PTPN20: variants seen among roughly 807,000 people sequenced by gnomAD.
PTPN20 encodes the protein tyrosine-protein phosphatase non-receptor type 20.
PTPN20 carries 9 observed loss-of-function variants against 35.0 expected under a neutral mutation model. The observed-to-expected ratio is 0.26, with a 90% confidence interval of 0.15 to 0.45. The LOEUF is 0.45. PTPN20 is among the 20% of genes least tolerant of loss of function. The pLI is 1.00. For missense variants in PTPN20, 111 were observed against 312.5 expected (o/e 0.36, Z 4.86); for synonymous variants, 32 against 100.2 (o/e 0.32, Z 4.06).
At chr10:46,959,032 T>G (rs2049126051) in intron 5 of PTPN20, among the ~76,000 whole-genome samples, 1 of 145,552 alleles carries the variant, frequency 6.9e-6, no homozygotes, top group Non-Finnish European at 1.5e-5. Flanking sequence ...AGATATACTT[T>G]GTTTATTATA....
chr10:46,923,306 C>T (rs1465274193), intron 1 of PTPN20, among the ~76,000 whole-genome samples: 2 of 145,130 alleles, frequency 1.4e-5, no homozygotes, highest in Admixed American at 6.7e-5. Flanking sequence ...TTTTAAGCCA[C>T]CCAGTTTGTG....
intron 9 of PTPN20, among the ~76,000 whole-genome samples, chr10:46,994,542 G>A (rs1413939152): frequency 1.3e-5 from 2 of 151,828 alleles, no homozygotes; most frequent in Non-Finnish European, 2.9e-5. Context: ...CACCGTGTTA[G>A]CCAGGATGGT....
intron 7 of PTPN20, among the ~76,000 whole-genome samples, chr10:46,982,912 T>C (rs1158079589): frequency 1.3e-5 from 2 of 152,152 alleles, no homozygotes; most frequent in Non-Finnish European, 2.9e-5. Context: ...GTATAAAGTA[T>C]TGTTTTAAAT....
At chr10:46,940,894 A>G (rs1394120432) in intron 3 of PTPN20, among the ~76,000 whole-genome samples, 177 bp downstream of exon 3, 11 of 151,818 alleles carry the variant, frequency 7.2e-5, no homozygotes, top group African/African-American at 2.7e-4. Context: ...TTTTTTGCAA[A>G]GTTTCTAATG....
chr10:46,957,517 C>T (rs2048750826), intron 5 of PTPN20, among the ~76,000 whole-genome samples: 1 of 152,060 alleles, frequency 6.6e-6, no homozygotes, highest in South Asian at 2.1e-4. Flanking sequence ...AGGCAGATCA[C>T]CTGAGGTTGG....
Position 47,000,787 on chromosome 10 carries a change from C to T in PTPN20, c.*46C>T. 1 of 1,604,596 alleles carries T rather than the reference C, an allele frequency of 6.2e-7. No homozygotes were observed. Among genetic ancestry groups the T allele is most frequent in the East Asian group, 2.2e-5 (1 of 44,810 alleles). On this transcript the variant is annotated 3_prime_UTR_variant, in exon 11 of 11. Transcript: ENST00000374339. ...CACTTGAAATTACCAAGTGGGTTTG[C>T]ACCTCCTCATAAAGAACATGTTTGC...
chr10:46,943,063 AGGTCT>A (rs2043868983), intron 3 of PTPN20, among the ~76,000 whole-genome samples: 1 of 151,136 alleles, frequency 6.6e-6, no homozygotes, highest in African/African-American at 2.4e-5. Flanking sequence ...ATCAAATAAA[AGGTCT>A]GCTCTATGAC....
At chr10:46,953,395 CTTTT>C (rs200486720) in intron 5 of PTPN20, among the ~76,000 whole-genome samples, 11 of 100,138 alleles carry the variant, frequency 1.1e-4, no homozygotes, top group African/African-American at 2.3e-4. Context: ...TTCTTTCTTT[CTTTT>C]TTTTTGACTT....
intron 2 of PTPN20, among the ~76,000 whole-genome samples, chr10:46,938,950 G>T (rs1433051905): frequency 6.6e-6 from 1 of 151,360 alleles, no homozygotes; most frequent in Non-Finnish European, 1.5e-5. Flanking sequence ...TTTTTTGTTT[G>T]TCAGGTGAGG....
At chr10:46,988,473 C>CAG (rs1280438780) in intron 9 of PTPN20, among the ~76,000 whole-genome samples, 1 of 148,606 alleles carries the variant, frequency 6.7e-6, no homozygotes, top group Non-Finnish European at 1.5e-5. Context: ...TGCAGAACAC[C>CAG]AGAGCTCATT....
chr10:46,920,735 G>A (rs1437549442), intron 1 of PTPN20, among the ~76,000 whole-genome samples: 3 of 128,782 alleles, frequency 2.3e-5, no homozygotes, highest in South Asian at 2.9e-4. Context: ...TTGGTTCTCC[G>A]GCCAATGGGG....
chr10:46,982,831 A>C (rs1358152229), intron 7 of PTPN20, among the ~76,000 whole-genome samples: 44 of 152,248 alleles, frequency 2.9e-4, no homozygotes, highest in Non-Finnish European at 5.6e-4. Context: ...ATATGATGAA[A>C]GATCTCCCTA....
chr10:46,932,280 G>C, intron 1 of PTPN20, 97 bp from the exon 2 acceptor site: 1 of 1,453,596 alleles, frequency 6.9e-7, no homozygotes, highest in Non-Finnish European at 9.1e-7. Flanking sequence ...TAAAATTGCA[G>C]TTTTAAATAT....
intron 10 of PTPN20, 101 bp downstream of exon 10, chr10:47,000,075 A>C: frequency 1.6e-3 from 2,320 of 1,489,726 alleles, no homozygotes; most frequent in Non-Finnish European, 2.0e-3. Flanking sequence ...ACATAATCTC[A>C]TTGAATTCCT....
chr10:46,941,738 T>G (rs533710471), intron 3 of PTPN20, among the ~76,000 whole-genome samples: 2 of 150,830 alleles, frequency 1.3e-5, no homozygotes, highest in Admixed American at 1.3e-4. Context: ...AAGTTATAGC[T>G]TGGCCTATCT....
intron 3 of PTPN20, among the ~76,000 whole-genome samples, chr10:46,943,115 AG>A (rs2043895246): frequency 7.1e-6 from 1 of 141,590 alleles, no homozygotes; most frequent in Non-Finnish European, 1.5e-5. Context: ...GGTGTTTAGG[AG>A]TAAATCTAAG....
In PTPN20 at chr10:47,000,630, A is replaced by G. The variant is rs2138277530; in HGVS notation, c.1198-46A>G. On this transcript the variant is annotated intron_variant, in intron 10 of 10. Transcript: ENST00000374339. ...GTGTTTTCTGAAAGTGGATTCTGTTATTCAATTACTTAACATTCTGTTGTT... is the reference window on the plus strand; with the variant it reads ...GTGTTTTCTGAAAGTGGATTCTGTTGTTCAATTACTTAACATTCTGTTGTT... 3.1e-6 allele frequency: 5 copies of G among 1,604,142 alleles called. No homozygotes were observed. The South Asian group carries it at 5.5e-5, about 18-fold the overall frequency.
chr10:46,941,243 G>A (rs2043394941), intron 3 of PTPN20, among the ~76,000 whole-genome samples: 1 of 148,000 alleles, frequency 6.8e-6, no homozygotes, highest in Admixed American at 6.7e-5. Context: ...TTGGAACTGC[G>A]ATGATGATGC....
intron 9 of PTPN20, among the ~76,000 whole-genome samples, chr10:46,993,051 A>C (rs113231185): frequency 6.6e-6 from 1 of 152,170 alleles, no homozygotes; most frequent in African/African-American, 2.4e-5. Context: ...TTTCACAGGC[A>C]GTGTATACTG....
Sources: allele counts gnomAD v4.1 joint callset (sites outside exome capture counted in the v4.1 genomes callset), GRCh38; gene constraint gnomAD v4.1.1; transcripts MANE v1.5; gene names NCBI Gene and HGNC (gene_info 2026-07-23, HGNC 2026-07-21).